GPC6: variants seen among roughly 807,000 people sequenced by gnomAD.
GPC6 encodes the protein glypican 6.
GPC6 carries 14 observed loss-of-function variants against 55.2 expected under a neutral mutation model. The observed-to-expected ratio is 0.25, with a 90% confidence interval of 0.17 to 0.40. GPC6 has a LOEUF of 0.40. Ranked by LOEUF, GPC6 falls within the 10% of genes least tolerant of loss-of-function variation. GPC6 has a pLI of 1.00. For missense variants in GPC6, 641 were observed against 708.5 expected, an observed-to-expected ratio of 0.90 and a Z score of 1.08; for synonymous variants, 278 against 259.6, an observed-to-expected ratio of 1.07 and a Z score of -0.68.
intron 1 of GPC6, among the ~76,000 whole-genome samples, chr13:93,468,067 A>C (rs1276002848): frequency 6.6e-6 from 1 of 152,126 alleles, no homozygotes; most frequent in African/African-American, 2.4e-5. Context: ...ATTTGTCTTG[A>C]TCTTAATGGC....
chr13:93,641,280 G>GTCC (rs35173084), intron 2 of GPC6, among the ~76,000 whole-genome samples: 125,057 of 151,496 alleles, frequency 0.83, 52,756 homozygotes, highest in Non-Finnish European at 0.93. Flanking sequence ...TACACTTAAT[G>GTCC]TCCTCTCCTG....
At chr13:93,445,616 C>G (rs1414268752) in intron 1 of GPC6, among the ~76,000 whole-genome samples, 1 of 152,168 alleles carries the variant, frequency 6.6e-6, no homozygotes, top group Non-Finnish European at 1.5e-5. Flanking sequence ...ATGTTCCTAC[C>G]ATCTCTAGTA....
At chr13:94,160,938 G>A (rs1436592350) in intron 4 of GPC6, among the ~76,000 whole-genome samples, 1 of 151,928 alleles carries the variant, frequency 6.6e-6, no homozygotes, top group Non-Finnish European at 1.5e-5. Context: ...TCTATTCTAG[G>A]GAGAACAGTA....
intron 1 of GPC6, among the ~76,000 whole-genome samples, chr13:93,500,927 A>G (rs1377898385): frequency 6.6e-6 from 1 of 152,186 alleles, no homozygotes; most frequent in Non-Finnish European, 1.5e-5. Flanking sequence ...ATTACACCTG[A>G]AAATGGCAAT....
At chr13:94,185,147 G>A (rs1889126793) in intron 4 of GPC6, among the ~76,000 whole-genome samples, 1 of 151,662 alleles carries the variant, frequency 6.6e-6, no homozygotes, top group South Asian at 2.1e-4. Context: ...GCAGAGTGGG[G>A]AAGGAGGAAA....
rs761157868 is a variant in GPC6 at position 94,386,485 on chromosome 13, AAGGCTG to A, written c.1289+3940_1289+3945del. On this transcript the variant is annotated intron_variant, in intron 7 of 8. Transcript: ENST00000377047. ...GGCGCCTATAATCTTAACTACTCAG[AAGGCTG>A]AGGCAGGAGGATCACTTAAGCCCAG... Among the ~76,000 whole-genome samples, 449 of 149,276 alleles carry A rather than the reference AAGGCTG, an allele frequency of 3.0e-3. 1 individual carries two copies. The highest frequency in any genetic ancestry group is 4.4e-3 in the Non-Finnish European group (294 of 66,938).
intron 6 of GPC6, among the ~76,000 whole-genome samples, chr13:94,362,436 C>T (rs1194757951): frequency 6.6e-6 from 1 of 152,076 alleles, no homozygotes; most frequent in Admixed American, 6.6e-5. Flanking sequence ...CTCTGGTAGA[C>T]CTCATTAAAA....
chr13:94,173,392 C>G (rs1001370870), intron 4 of GPC6, among the ~76,000 whole-genome samples: 1 of 152,054 alleles, frequency 6.6e-6, no homozygotes, highest in Non-Finnish European at 1.5e-5. Context: ...AGGACGTGTA[C>G]AGATGGAGTT....
At chr13:93,601,001 C>G (rs982118678) in intron 2 of GPC6, among the ~76,000 whole-genome samples, 9 of 149,992 alleles carry the variant, frequency 6.0e-5, no homozygotes, top group Non-Finnish European at 1.0e-4. Flanking sequence ...ATTTCTACAT[C>G]CACCTATCTG....
chr13:94,084,330 T>C (rs1196648889), intron 4 of GPC6, among the ~76,000 whole-genome samples: 1 of 152,162 alleles, frequency 6.6e-6, no homozygotes, highest in Admixed American at 6.5e-5. Flanking sequence ...TGCTTCTCCC[T>C]TCTACACAGT....
At chr13:94,294,601 T>C (rs1014631163) in intron 5 of GPC6, among the ~76,000 whole-genome samples, 1 of 152,134 alleles carries the variant, frequency 6.6e-6, no homozygotes, top group Non-Finnish European at 1.5e-5. Flanking sequence ...ATAGCCTTGA[T>C]TATTACAGGT....
At chr13:93,646,880 C>G (rs1245061479) in intron 2 of GPC6, among the ~76,000 whole-genome samples, 1 of 149,486 alleles carries the variant, frequency 6.7e-6, no homozygotes, top group Non-Finnish European at 1.5e-5. Context: ...ACAAAAAAAA[C>G]AAACTTGTGC....
At chr13:93,489,896 A>T (rs889227574) in intron 1 of GPC6, among the ~76,000 whole-genome samples, 1 of 151,558 alleles carries the variant, frequency 6.6e-6, no homozygotes, top group Non-Finnish European at 1.5e-5. Context: ...CTAAATATAC[A>T]ATCATGTCAT....
At chr13:93,988,574 T>G (rs541200480) in intron 3 of GPC6, among the ~76,000 whole-genome samples, 1 of 152,262 alleles carries the variant, frequency 6.6e-6, no homozygotes, top group South Asian at 2.1e-4. Context: ...AAGTCTTTCT[T>G]CCATTTTAAT....
At chr13:93,808,910 A>G (rs1305510992) in intron 2 of GPC6, among the ~76,000 whole-genome samples, 1 of 152,190 alleles carries the variant, frequency 6.6e-6, no homozygotes. Flanking sequence ...GATAGCTAGG[A>G]AACCTAGACG....
At chr13:94,332,209 G>A (rs1453927336) in intron 6 of GPC6, among the ~76,000 whole-genome samples, 2 of 151,424 alleles carry the variant, frequency 1.3e-5, no homozygotes, top group Non-Finnish European at 2.9e-5. Flanking sequence ...TTTTGGCTTT[G>A]GTTTCTTCCA....
At chr13:93,630,877 A>G (rs1167742508) in intron 2 of GPC6, among the ~76,000 whole-genome samples, 1 of 152,076 alleles carries the variant, frequency 6.6e-6, no homozygotes, top group Non-Finnish European at 1.5e-5. Context: ...CAACCCCCCC[A>G]TATCTCAGAG....
At chr13:93,232,401 A>G (rs1876091397) in intron 1 of GPC6, among the ~76,000 whole-genome samples, 1 of 152,174 alleles carries the variant, frequency 6.6e-6, no homozygotes, top group South Asian at 2.1e-4. Context: ...CATTAATTCC[A>G]GGTATCAAAG....
At chr13:93,365,020 A>G (rs755104007) in intron 1 of GPC6, among the ~76,000 whole-genome samples, 3 of 151,776 alleles carry the variant, frequency 2.0e-5, no homozygotes, top group African/African-American at 7.3e-5. Context: ...CTTTTTCTAC[A>G]TCTTCTGCAT....
Sources: allele counts gnomAD v4.1 joint callset (sites outside exome capture counted in the v4.1 genomes callset), GRCh38; gene constraint gnomAD v4.1.1; transcripts MANE v1.5; gene names NCBI Gene and HGNC (gene_info 2026-07-23, HGNC 2026-07-21).